The following ADGRB3 variants were observed in gnomAD, a reference collection of about 807,000 sequenced individuals.
The protein encoded by ADGRB3 is adhesion G protein-coupled receptor B3, also known as brain-specific angiogenesis inhibitor 3.
A neutral mutation model predicts 193.4 loss-of-function variants in ADGRB3; 37 were observed. The observed-to-expected ratio is 0.19, with a 90% CI of 0.15 to 0.25. The LOEUF is 0.25. Ranked by LOEUF, ADGRB3 falls within the 10% of genes least tolerant of loss-of-function variation. The pLI is 1.00. For synonymous variants in ADGRB3, 690 were observed against 644.2 expected, an observed-to-expected ratio of 1.07 and a Z score of -1.08; for missense variants, 1,637 against 1,852.9, an observed-to-expected ratio of 0.88 and a Z score of 2.14.
intron 17 of ADGRB3, among the ~76,000 whole-genome samples, chr6:69,102,308 G>A (rs1349905117): frequency 1.3e-5 from 2 of 152,004 alleles, no homozygotes; most frequent in Non-Finnish European, 2.9e-5. Context: ...AGCCCAAGCA[G>A]CAGACACATT....
rs376436785 is a variant in ADGRB3 at position 68,790,410 on chromosome 6, T to G, written c.758-140149T>G. ...CAGCACTAACCTCTGCAGACTTAAA[T>G]GTCCCTCTCTGACAGCTTTGAAGAG... On this transcript the variant is annotated intron_variant, in intron 3 of 31. Transcript: ENST00000370598. Among the ~76,000 whole-genome samples the G allele has an allele frequency of 2.6e-4, 40 of 152,338 alleles. No individual in the cohort carries two copies. The East Asian group carries it at 6.9e-3, about 26-fold the overall frequency.
chr6:68,684,610 A>C (rs1281660418), intron 3 of ADGRB3, among the ~76,000 whole-genome samples: 2 of 152,066 alleles, frequency 1.3e-5, no homozygotes, highest in African/African-American at 2.4e-5. Context: ...GAGGAACTTG[A>C]TTTCCATTGG....
At chr6:69,332,898 G>A (rs1439812741) in intron 23 of ADGRB3, 25 bp from the exon 24 acceptor site, 1 of 1,611,190 alleles carries the variant, frequency 6.2e-7, no homozygotes, top group Non-Finnish European at 8.5e-7. Context: ...ATCATTGAAA[G>A]GTCAACTTTG....
intron 16 of ADGRB3, among the ~76,000 whole-genome samples, chr6:69,065,909 A>G (rs1771890704): frequency 6.6e-6 from 1 of 152,056 alleles, no homozygotes; most frequent in Non-Finnish European, 1.5e-5. Flanking sequence ...CAATAAAAAT[A>G]CAAATGTAAA....
At chr6:68,745,664 T>G (rs1766069372) in intron 3 of ADGRB3, among the ~76,000 whole-genome samples, 1 of 151,784 alleles carries the variant, frequency 6.6e-6, no homozygotes, top group African/African-American at 2.4e-5. Flanking sequence ...ATCTTATTTA[T>G]TTTGAAATAA....
At chr6:68,966,107 G>A (rs1768374820) in intron 8 of ADGRB3, among the ~76,000 whole-genome samples, 1 of 152,084 alleles carries the variant, frequency 6.6e-6, no homozygotes, top group Admixed American at 6.6e-5. Flanking sequence ...TAGCACATAA[G>A]ATATCCTTCC....
At chr6:69,025,514 A>G (rs1400587848) in intron 13 of ADGRB3, among the ~76,000 whole-genome samples, 2 of 145,606 alleles carry the variant, frequency 1.4e-5, no homozygotes, top group Non-Finnish European at 3.0e-5. Flanking sequence ...TGAAAAATAC[A>G]CAATTTAACT....
chr6:69,210,270 A>G (rs749318833), intron 17 of ADGRB3, among the ~76,000 whole-genome samples: 19 of 150,256 alleles, frequency 1.3e-4, no homozygotes, highest in Non-Finnish European at 2.4e-4. Flanking sequence ...TCCAAAACTG[A>G]AGAACTTGGA....
intron 3 of ADGRB3, among the ~76,000 whole-genome samples, chr6:68,881,356 T>C (rs1338384666): frequency 6.6e-6 from 1 of 152,166 alleles, no homozygotes; most frequent in Non-Finnish European, 1.5e-5. Flanking sequence ...TTTTCCACCT[T>C]CAATATATGC....
intron 3 of ADGRB3, among the ~76,000 whole-genome samples, chr6:68,910,942 G>A (rs571396652): frequency 3.9e-5 from 6 of 152,238 alleles, no homozygotes; most frequent in African/African-American, 1.4e-4. Flanking sequence ...ATTCTGTTAA[G>A]AAAGTCATTC....
chr6:69,088,207 T>C (rs1772602995), intron 17 of ADGRB3, among the ~76,000 whole-genome samples: 2 of 152,174 alleles, frequency 1.3e-5, no homozygotes, highest in African/African-American at 4.8e-5. Context: ...AATTTTATGA[T>C]AAATTTAAAT....
At chr6:69,082,992 A>T (rs1161238337) in intron 17 of ADGRB3, among the ~76,000 whole-genome samples, 4 of 152,212 alleles carry the variant, frequency 2.6e-5, no homozygotes, top group African/African-American at 9.6e-5. Context: ...GGTTCCCTGC[A>T]TCACTCAAGT....
At chr6:68,977,236 C>T (rs1768777288) in intron 10 of ADGRB3, among the ~76,000 whole-genome samples, 1 of 151,208 alleles carries the variant, frequency 6.6e-6, no homozygotes, top group South Asian at 2.1e-4. Context: ...TAATAGCTGT[C>T]AATAACTCAG....
intron 3 of ADGRB3, among the ~76,000 whole-genome samples, chr6:68,754,346 G>T (rs1766260169): frequency 6.6e-6 from 1 of 152,090 alleles, no homozygotes; most frequent in Non-Finnish European, 1.5e-5. Flanking sequence ...GGGGCAGGGA[G>T]TTTCAATAAA....
intron 3 of ADGRB3, among the ~76,000 whole-genome samples, chr6:68,811,470 CGTTTGTTT>C (rs540349654): frequency 6.6e-6 from 1 of 151,792 alleles, no homozygotes; most frequent in Admixed American, 6.6e-5. Flanking sequence ...TCTTGGGGTT[CGTTTGTTT>C]GTTTGTTTGA....
At chr6:69,270,749 G>A (rs895160930) in intron 20 of ADGRB3, among the ~76,000 whole-genome samples, 1 of 152,094 alleles carries the variant, frequency 6.6e-6, no homozygotes, top group African/African-American at 2.4e-5. Context: ...CCTGCTGTTC[G>A]ATTAAGAATG....
chr6:69,347,089 C>T (rs899621383), intron 26 of ADGRB3, among the ~76,000 whole-genome samples: 16 of 152,172 alleles, frequency 1.1e-4, no homozygotes, highest in African/African-American at 3.9e-4. Flanking sequence ...CCATCATTCT[C>T]AGCGAACTAA....
chr6:69,359,640 AATT>A (rs1185041201), intron 28 of ADGRB3, among the ~76,000 whole-genome samples: 29 of 151,912 alleles, frequency 1.9e-4, no homozygotes, highest in African/African-American at 7.0e-4. Context: ...AATGAATAAT[AATT>A]ATGATTCTAC....
In ADGRB3 at chr6:68,833,582, T is replaced by C. The variant is rs182488276; in HGVS notation, c.758-96977T>C. Among the ~76,000 whole-genome samples, 72 of 150,566 alleles carry C rather than the reference T, an allele frequency of 4.8e-4. 2 individuals are homozygous for C. The highest frequency in any genetic ancestry group is 1.6e-3 in the African/African-American group (67 of 41,276). ...GGATAAGTATTCTTATATTAAAGAA[T>C]GAAGTATTTGAACTTAGAATCTTCA... On this transcript the variant is annotated intron_variant, in intron 3 of 31. Coordinates refer to ENST00000370598, the MANE Select transcript of ADGRB3 (RefSeq NM_001704.3).
Sources: gnomAD v4.1 joint callset for allele counts (sites outside exome capture counted in the v4.1 genomes callset) on GRCh38, gnomAD v4.1.1 for gene constraint, MANE v1.5 for transcripts, NCBI Gene and HGNC (gene_info 2026-07-23, HGNC 2026-07-21) for gene names.